Variants in BRINP3 observed in about 807,000 individuals in gnomAD.
BRINP3 encodes the protein BMP/retinoic acid inducible neural specific 3.
BRINP3 carries 19 observed loss-of-function variants against 71.0 expected under a neutral mutation model. The observed-to-expected ratio is 0.27, with a 90% CI of 0.19 to 0.39. The LOEUF (loss-of-function observed/expected upper bound fraction) is 0.39. BRINP3 is among the 10% of genes least tolerant of loss of function. The probability of loss-of-function intolerance (pLI) is 1.00; values close to 1 mark genes in which losing one functional copy is unlikely to be tolerated. For missense variants in BRINP3, 959 were observed against 940.8 expected (o/e 1.02, Z -0.25); for synonymous variants, 380 against 337.7 (o/e 1.13, Z -1.37).
intron 6 of BRINP3, among the ~76,000 whole-genome samples, chr1:190,186,617 C>G (rs1653551338): frequency 6.6e-6 from 1 of 152,018 alleles, no homozygotes. Context: ...CAGACTTAGC[C>G]TGAGTGCCTT....
At chr1:190,158,791 C>T (rs1482867555) in intron 7 of BRINP3, among the ~76,000 whole-genome samples, 1 of 148,872 alleles carries the variant, frequency 6.7e-6, no homozygotes, top group Non-Finnish European at 1.5e-5. Flanking sequence ...ATAATAAGGA[C>T]TATCAAGAAA....
chr1:190,149,625 T>TTGTGTG lies in BRINP3; in HGVS notation c.1184+11037_1184+11042dup, dbSNP rs71669261. ...GTGCACTTAGGATATTGTTGAGTAG[T>TTGTGTG]TGTGTGTGTGTGTGTGTGTGTGTGT... is the stretch of plus-strand genomic sequence containing the variant. On this transcript the variant is annotated intron_variant, in intron 7 of 7. Coordinates refer to ENST00000367462, the MANE Select transcript of BRINP3 (RefSeq NM_199051.3). Among the ~76,000 whole-genome samples, 574 of 146,610 alleles carry TTGTGTG rather than the reference T, an allele frequency of 3.9e-3. 1 individual carries two copies. Among genetic ancestry groups the TTGTGTG allele is most frequent in the African/African-American group, 0.013 (526 of 40,310 alleles).
At chr1:190,131,358 A>C (rs892334558) in intron 7 of BRINP3, among the ~76,000 whole-genome samples, 2 of 151,946 alleles carry the variant, frequency 1.3e-5, no homozygotes, top group African/African-American at 2.4e-5. Context: ...ATTTTCAAGA[A>C]CCCAACATAG....
intron 4 of BRINP3, among the ~76,000 whole-genome samples, chr1:190,253,814 T>C (rs1264175106): frequency 6.6e-6 from 1 of 152,228 alleles, no homozygotes; most frequent in East Asian, 1.9e-4. Flanking sequence ...CCATTGCTTT[T>C]GGTGTTTTAG....
intron 2 of BRINP3, among the ~76,000 whole-genome samples, chr1:190,426,465 A>G (rs1425858300): frequency 6.6e-6 from 1 of 151,898 alleles, no homozygotes; most frequent in African/African-American, 2.4e-5. Flanking sequence ...GCATTATGCT[A>G]ATTGAGCGTC....
At chr1:190,131,276 GATGTTTTGACAGTA>G (rs1654522309) in intron 7 of BRINP3, among the ~76,000 whole-genome samples, 1 of 151,576 alleles carries the variant, frequency 6.6e-6, no homozygotes, top group African/African-American at 2.4e-5. Context: ...GTGGATATAG[GATGTTTTGACAGTA>G]ATCGACACTG....
At chr1:190,138,012 T>C (rs900223757) in intron 7 of BRINP3, among the ~76,000 whole-genome samples, 1 of 151,982 alleles carries the variant, frequency 6.6e-6, no homozygotes, top group Non-Finnish European at 1.5e-5. Context: ...TGGAGTACAA[T>C]GGCATGAGCT....
At position 190,098,878 on chromosome 1, in the gene BRINP3, A is replaced by C; in HGVS notation, c.1441T>G (p.Ser481Ala). 6.2e-7 allele frequency: 1 copy of C among 1,614,148 alleles called. No homozygotes were observed. Among genetic ancestry groups the C allele is most frequent in the Non-Finnish European group, 8.5e-7 (1 of 1,180,030 alleles). The change falls in exon 8 of 8, where the codon TCC becomes GCC. Residue 481 changes from serine to alanine, a missense_variant. Transcript: ENST00000367462. The stretch of plus-strand genomic sequence containing the variant: ...TCAAAGCCAATATAGTGATCGGTGG[A>C]CTCGGCGACTTCAGGCTTGCAGAGC... ...QGLCKPEVAE[S>A]TDHYIGFETD...
chr1:190,329,866 A>G (rs562331950), intron 2 of BRINP3, among the ~76,000 whole-genome samples: 1 of 152,022 alleles, frequency 6.6e-6, no homozygotes, highest in Admixed American at 6.6e-5. Context: ...TCTTCAATGA[A>G]CTCATTAAAA....
At position 190,386,725 on chromosome 1, in the gene BRINP3, C is replaced by T. The variant is rs74130733; in HGVS notation, c.236+67930G>A. Among the ~76,000 whole-genome samples the T allele has an allele frequency of 4.2e-3, 644 of 151,968 alleles. 6 individuals are homozygous for T. Among genetic ancestry groups the T allele is most frequent in the African/African-American group, 0.014 (599 of 41,490 alleles). The stretch of plus-strand genomic sequence containing the variant: ...CTCTTCACTAACTTCCCTAAGCTTG[C>T]ACTTACTCTTCTGTAAAATAAAAAT... On this transcript the variant is annotated intron_variant, in intron 2 of 7. Transcript: ENST00000367462.
At chr1:190,360,175 C>T (rs748956567) in intron 2 of BRINP3, among the ~76,000 whole-genome samples, 31 of 152,136 alleles carry the variant, frequency 2.0e-4, no homozygotes, top group Non-Finnish European at 4.1e-4. Flanking sequence ...ACAAAGTAAT[C>T]GATGGTGGTT....
At chr1:190,207,124 CAG>C (rs1386086582) in intron 6 of BRINP3, among the ~76,000 whole-genome samples, 1 of 151,690 alleles carries the variant, frequency 6.6e-6, no homozygotes, top group African/African-American at 2.4e-5. Flanking sequence ...TCACTGGAAA[CAG>C]AAATTAAATA....
intron 7 of BRINP3, among the ~76,000 whole-genome samples, chr1:190,111,268 T>A (rs916221276): frequency 6.7e-6 from 1 of 149,842 alleles, no homozygotes; most frequent in African/African-American, 2.5e-5. Flanking sequence ...GGTAATCACC[T>A]CCTTATTTAA....
At chr1:190,182,519 C>G (rs1006352727) in intron 6 of BRINP3, among the ~76,000 whole-genome samples, 13 of 152,042 alleles carry the variant, frequency 8.6e-5, no homozygotes, top group African/African-American at 2.9e-4. Flanking sequence ...TTTACCATCT[C>G]AATTTGGCAT....
intron 2 of BRINP3, among the ~76,000 whole-genome samples, chr1:190,315,834 C>T (rs1665840168): frequency 1.3e-5 from 2 of 152,054 alleles, no homozygotes. Flanking sequence ...TAGAATTTTA[C>T]AGAAATTGCA....
At chr1:190,453,892 C>T (rs1461004437) in intron 2 of BRINP3, among the ~76,000 whole-genome samples, 1 of 152,056 alleles carries the variant, frequency 6.6e-6, no homozygotes, top group Non-Finnish European at 1.5e-5. Flanking sequence ...AGTCTATCAC[C>T]AATAAACAAA....
intron 6 of BRINP3, 28 bp downstream of exon 6, chr1:190,226,054 A>ATAC (rs758544826): frequency 3.6e-5 from 49 of 1,376,952 alleles, no homozygotes; most frequent in Non-Finnish European, 4.6e-5. Context: ...CAATATTTAA[A>ATAC]AGTGTTATAT....
intron 6 of BRINP3, among the ~76,000 whole-genome samples, chr1:190,215,574 T>C (rs1016784780): frequency 4.6e-5 from 7 of 151,990 alleles, no homozygotes; most frequent in African/African-American, 1.7e-4. Context: ...AATTTATTTT[T>C]TCTTGCAAAA....
chr1:190,454,959 C>T lies in BRINP3; in HGVS notation c.-50-19G>A. The stretch of plus-strand genomic sequence containing the variant: ...TCAACACCTAGACAAAATACACAGG[C>T]AATTAGTTAACTCCTAGAAGATTCC... On this transcript the variant is annotated intron_variant, in intron 1 of 7. Coordinates refer to ENST00000367462, the MANE Select transcript of BRINP3 (RefSeq NM_199051.3). 1 of 1,227,868 alleles carries T rather than the reference C, an allele frequency of 8.1e-7. No individual in the cohort carries two copies. Among genetic ancestry groups the T allele is most frequent in the Non-Finnish European group, 1.2e-6 (1 of 857,632 alleles). 76.1% of individuals were successfully genotyped at this position (1,227,868 alleles called of 1,614,324 possible).
Sources: gnomAD v4.1 joint callset for allele counts (sites outside exome capture counted in the v4.1 genomes callset) on GRCh38, gnomAD v4.1.1 for gene constraint, MANE v1.5 for transcripts, NCBI Gene and HGNC (gene_info 2026-07-23, HGNC 2026-07-21) for gene names.